ROCK1: variants seen among roughly 807,000 people sequenced by gnomAD.
ROCK1 encodes Rho associated coiled-coil containing protein kinase 1.
A neutral mutation model predicts 196.8 loss-of-function variants in ROCK1; 36 were observed. The ratio of observed to expected loss-of-function variants is 0.18; its 90% CI spans 0.14 to 0.24. ROCK1 has a LOEUF of 0.24. Ranked by LOEUF, ROCK1 falls within the 10% of genes least tolerant of loss-of-function variation. The probability of loss-of-function intolerance (pLI) is 1.00; values close to 1 mark genes in which losing one functional copy is unlikely to be tolerated. For missense variants in ROCK1, 920 were observed against 1,562.0 expected (o/e 0.59, Z 6.93); for synonymous variants, 443 against 515.9 (o/e 0.86, Z 1.91).
At chr18:21,060,223 T>C (rs192703160) in intron 2 of ROCK1, among the ~76,000 whole-genome samples, 1 of 152,340 alleles carries the variant, frequency 6.6e-6, no homozygotes, top group East Asian at 1.9e-4. Flanking sequence ...ATAAAGTTGC[T>C]TTAAAAAATC....
intron 29 of ROCK1, among the ~76,000 whole-genome samples, chr18:20,958,893 TTATTTA>T (rs1172858222): frequency 7.2e-4 from 19 of 26,316 alleles, no homozygotes; most frequent in African/African-American, 4.2e-3. Flanking sequence ...ATATATATAT[TTATTTA>T]TATATATATA....
At chr18:21,073,113 G>GA (rs2036401148) in intron 1 of ROCK1, among the ~76,000 whole-genome samples, 1 of 121,336 alleles carries the variant, frequency 8.2e-6, no homozygotes, top group South Asian at 2.8e-4. Context: ...AAGTGGAGGA[G>GA]AAAATATGTA....
At chr18:21,000,658 T>G (rs1180756236) in intron 16 of ROCK1, among the ~76,000 whole-genome samples, 1 of 152,142 alleles carries the variant, frequency 6.6e-6, no homozygotes, top group Non-Finnish European at 1.5e-5. Context: ...TATTAGATGC[T>G]CAATATCATT....
intron 29 of ROCK1, among the ~76,000 whole-genome samples, chr18:20,956,684 A>G (rs929701844): frequency 2.0e-5 from 3 of 152,214 alleles, no homozygotes; most frequent in Non-Finnish European, 4.4e-5. Flanking sequence ...GGCAGAAAAC[A>G]TTTTAAAAAT....
chr18:21,007,985 T>C, intron 14 of ROCK1, 74 bp downstream of exon 14: 3 of 1,181,806 alleles, frequency 2.5e-6, no homozygotes, highest in South Asian at 1.6e-5. Context: ...GTATGTATCA[T>C]GGACACTAAA....
chr18:21,020,747 C>T (rs769039500), intron 11 of ROCK1, among the ~76,000 whole-genome samples: 8 of 151,848 alleles, frequency 5.3e-5, no homozygotes, highest in Non-Finnish European at 8.8e-5. Context: ...ACAATGAGCC[C>T]AAAAGTAGAA....
intron 4 of ROCK1, among the ~76,000 whole-genome samples, chr18:21,048,751 T>G (rs1270130660): frequency 6.6e-6 from 1 of 152,076 alleles, no homozygotes; most frequent in Non-Finnish European, 1.5e-5. Context: ...GGTGTCACTA[T>G]GTTGTCCAGG....
At chr18:20,970,541 T>C in intron 22 of ROCK1, 28 bp from the exon 23 acceptor site, 2 of 1,530,456 alleles carry the variant, frequency 1.3e-6, no homozygotes, top group Non-Finnish European at 1.8e-6. Context: ...GAGAAACTGA[T>C]GTAAACAAAT....
At chr18:21,063,890 C>T (rs908690885) in intron 2 of ROCK1, among the ~76,000 whole-genome samples, 2 of 152,138 alleles carry the variant, frequency 1.3e-5, no homozygotes, top group Admixed American at 6.6e-5. Context: ...GACCATTTAC[C>T]TATCTTTAGT....
intron 13 of ROCK1, among the ~76,000 whole-genome samples, 173 bp from the exon 14 acceptor site, chr18:21,008,367 T>C (rs2035786480): frequency 6.6e-6 from 1 of 152,156 alleles, no homozygotes; most frequent in African/African-American, 2.4e-5. Flanking sequence ...CTAAGTAGCT[T>C]GCCTTTTAAG....
rs71269004 is a variant in ROCK1 at position 21,033,854 on chromosome 18, T to TAAAAAAAAAAAAAAAAA, written c.1052-4936_1052-4920dup. 3.3e-4 allele frequency among the ~76,000 whole-genome samples: 11 copies of TAAAAAAAAAAAAAAAAA among 33,460 alleles called. 3 individuals are homozygous for TAAAAAAAAAAAAAAAAA. The highest frequency in any genetic ancestry group is 1.1e-3 in the African/African-American group (10 of 9,328). 22.0% of individuals were successfully genotyped at this position (33,460 alleles called of 152,430 possible). A position where few individuals can be genotyped will look rare whatever the true frequency, so the allele number is the denominator to read the frequency against. On this transcript the variant is annotated intron_variant, in intron 9 of 32. Transcript: ENST00000399799. ...TAACTCAGTGAAACCCCGTTTCTAC[T>TAAAAAAAAAAAAAAAAA]AAAAAAAAAAAAAAAAAAAAAAAAA...
chr18:21,094,368 A>G (rs2036595079), intron 1 of ROCK1, among the ~76,000 whole-genome samples: 1 of 152,190 alleles, frequency 6.6e-6, no homozygotes, highest in Non-Finnish European at 1.5e-5. Flanking sequence ...CAAACAAGGG[A>G]TTAATAACTA....
intron 1 of ROCK1, among the ~76,000 whole-genome samples, chr18:21,084,485 A>C (rs2036509294): frequency 6.6e-6 from 1 of 152,234 alleles, no homozygotes; most frequent in African/African-American, 2.4e-5. Flanking sequence ...AGAAATGGCC[A>C]ATAAGCACAT....
chr18:21,032,293 TG>T (rs1197417443), intron 9 of ROCK1, among the ~76,000 whole-genome samples: 1 of 152,152 alleles, frequency 6.6e-6, no homozygotes, highest in African/African-American at 2.4e-5. Flanking sequence ...CAAAGTAAAC[TG>T]GTATCAATTC....
chr18:21,049,939 T>G, intron 2 of ROCK1, 59 bp from the exon 3 acceptor site: 1 of 788,272 alleles, frequency 1.3e-6, no homozygotes, highest in South Asian at 1.9e-5. Context: ...CTAGCACTAC[T>G]TATTTTACAT....
At chr18:21,089,792 GAA>G (rs778498330) in intron 1 of ROCK1, among the ~76,000 whole-genome samples, 1 of 152,134 alleles carries the variant, frequency 6.6e-6, no homozygotes, top group Non-Finnish European at 1.5e-5. Context: ...GTGAAAAACA[GAA>G]CGGTTGTATG....
chr18:21,006,334 A>G lies in ROCK1; in HGVS notation c.1885+17T>C, dbSNP rs369262674. ...TTCATGTTACGTATATTTTACCACA[A>G]TAAGAAAAAATATTACCTTGAAGGT... On this transcript the variant is annotated intron_variant, in intron 16 of 32. Transcript: ENST00000399799. The G allele has an allele frequency of 6.3e-7, 1 of 1,587,184 alleles. No homozygotes were observed. Among genetic ancestry groups the G allele is most frequent in the Non-Finnish European group, 8.6e-7 (1 of 1,168,348 alleles).
intron 14 of ROCK1, 80 bp downstream of exon 14, chr18:21,007,979 G>A: frequency 8.6e-6 from 9 of 1,050,144 alleles, no homozygotes; most frequent in Non-Finnish European, 1.2e-5. Flanking sequence ...CTTCATGTAT[G>A]TATCATGGAC....
intron 18 of ROCK1, among the ~76,000 whole-genome samples, chr18:20,987,454 A>T (rs2035587279): frequency 1.3e-5 from 2 of 152,234 alleles, no homozygotes; most frequent in Admixed American, 1.3e-4. Context: ...ATCAAGCAAA[A>T]GCAGAAAAAT....
Sources: gnomAD v4.1 joint callset for allele counts (sites outside exome capture counted in the v4.1 genomes callset) on GRCh38, gnomAD v4.1.1 for gene constraint, MANE v1.5 for transcripts, NCBI Gene and HGNC (gene_info 2026-07-23, HGNC 2026-07-21) for gene names.